The following SCLT1 variants were observed in gnomAD, a reference collection of about 807,000 sequenced individuals.
The protein encoded by SCLT1 is sodium channel and clathrin linker 1.
A neutral mutation model predicts 112.8 loss-of-function variants in SCLT1; 78 were observed. The ratio of observed to expected loss-of-function variants is 0.69; its 90% CI spans 0.58 to 0.83. The LOEUF (loss-of-function observed/expected upper bound fraction) is 0.83, where lower values mean the gene tolerates loss of function less well. Among genes scored for constraint, SCLT1 ranks in the 40% least tolerant of loss-of-function variants. The probability of loss-of-function intolerance (pLI) is 0.00; values close to 1 mark genes in which losing one functional copy is unlikely to be tolerated. For synonymous variants in SCLT1, 257 were observed against 254.7 expected, an observed-to-expected ratio of 1.01 and a Z score of -0.09; for missense variants, 747 against 770.4, an observed-to-expected ratio of 0.97 and a Z score of 0.36.
intron 15 of SCLT1, among the ~76,000 whole-genome samples, chr4:128,946,436 G>A (rs1252424216): frequency 3.3e-5 from 5 of 152,138 alleles, no homozygotes; most frequent in Admixed American, 2.0e-4. Context: ...GCTGGGCATG[G>A]TGGCTCACAC....
In SCLT1 at chr4:129,088,500, A is replaced by T. The variant is rs1363525545; in HGVS notation, c.34+4570T>A. The stretch of plus-strand genomic sequence containing the variant: ...TCCCACCACTTCTGTTCAATACTGT[A>T]CCAGAGATTCTAGCCACTGCAATAA... On this transcript the variant is annotated intron_variant, in intron 1 of 20. Coordinates refer to ENST00000281142, the MANE Select transcript of SCLT1 (RefSeq NM_144643.4). 2.0e-5 allele frequency among the ~76,000 whole-genome samples: 3 copies of T among 152,212 alleles called. No homozygotes were observed. In the East Asian group the frequency reaches 5.8e-4, roughly 29 times the overall value.
chr4:128,904,253 T>A (rs534930419), intron 18 of SCLT1, among the ~76,000 whole-genome samples: 1 of 152,308 alleles, frequency 6.6e-6, no homozygotes, highest in Admixed American at 6.5e-5. Context: ...TCCCTTATAG[T>A]ATCACTGGGA....
intron 1 of SCLT1, among the ~76,000 whole-genome samples, chr4:129,092,710 AG>A: frequency 6.6e-6 from 1 of 152,332 alleles, no homozygotes; most frequent in East Asian, 1.9e-4. Context: ...TAATAGAAAC[AG>A]GAGTTCAATA....
At chr4:128,999,579 T>C (rs1053767017) in intron 7 of SCLT1, 93 bp downstream of exon 7, 3 of 770,652 alleles carry the variant, frequency 3.9e-6, no homozygotes, top group Non-Finnish European at 6.3e-6. Flanking sequence ...CTAAATGCTA[T>C]AGGGTAGAGT....
downstream of SCLT1, among the ~76,000 whole-genome samples, chr4:128,879,620 G>A (rs1042372502): frequency 6.6e-6 from 1 of 152,068 alleles, no homozygotes; most frequent in African/African-American, 2.4e-5. Flanking sequence ...AAGGGCTGTC[G>A]AACTATATGA....
At chr4:129,035,233 G>C (rs1747078360) in intron 5 of SCLT1, among the ~76,000 whole-genome samples, 2 of 152,060 alleles carry the variant, frequency 1.3e-5, no homozygotes, top group Non-Finnish European at 2.9e-5. Context: ...TACAATCATA[G>C]TTTAAAAATG....
intron 2 of SCLT1, among the ~76,000 whole-genome samples, chr4:129,046,824 A>G (rs958987374): frequency 6.6e-6 from 1 of 152,042 alleles, no homozygotes; most frequent in Non-Finnish European, 1.5e-5. Flanking sequence ...CTTTGTCAAC[A>G]CTTGGAACTA....
intron 9 of SCLT1, among the ~76,000 whole-genome samples, chr4:128,982,019 GAA>G (rs70938447): frequency 0.088 from 13,372 of 152,238 alleles, 746 homozygotes; most frequent in South Asian, 0.15. Flanking sequence ...GCTCAGATGA[GAA>G]AGTGATGAAG....
chr4:129,010,173 G>A (rs1229436102), intron 5 of SCLT1, among the ~76,000 whole-genome samples: 2 of 152,118 alleles, frequency 1.3e-5, no homozygotes, highest in African/African-American at 2.4e-5. Flanking sequence ...TTATTGAATA[G>A]GAGTCCTTTC....
At chr4:129,036,790 T>C (rs932782033) in intron 5 of SCLT1, 6 of 151,784 alleles carry the variant, frequency 4.0e-5, no homozygotes, top group South Asian at 2.1e-4. Context: ...AATTTAAATA[T>C]AGCTACACTA....
At chr4:128,933,991 T>C (rs1736984279) in intron 18 of SCLT1, among the ~76,000 whole-genome samples, 1 of 152,066 alleles carries the variant, frequency 6.6e-6, no homozygotes, top group African/African-American at 2.4e-5. Context: ...AATTCATCTA[T>C]GTAGTTAAGC....
intron 17 of SCLT1, among the ~76,000 whole-genome samples, chr4:128,941,331 T>C (rs909306724): frequency 6.6e-6 from 1 of 152,116 alleles, no homozygotes; most frequent in Non-Finnish European, 1.5e-5. Context: ...ATATTTTTAG[T>C]CTTTTTAATT....
chr4:128,983,039 C>T (rs956360851), intron 9 of SCLT1, among the ~76,000 whole-genome samples: 1 of 152,024 alleles, frequency 6.6e-6, no homozygotes, highest in African/African-American at 2.4e-5. Context: ...TAGGCATATG[C>T]CACCACGTCC....
chr4:128,890,801 C>T (rs148025939), intron 19 of SCLT1, among the ~76,000 whole-genome samples: 217 of 152,214 alleles, frequency 1.4e-3, no homozygotes, highest in African/African-American at 4.9e-3. Flanking sequence ...GATCCTAATA[C>T]GTTCTCTGAA....
chr4:128,949,846 C>CT (rs71589013), intron 14 of SCLT1, among the ~76,000 whole-genome samples: 98,341 of 144,658 alleles, frequency 0.68, 34,038 homozygotes, highest in African/African-American at 0.84. Flanking sequence ...TTTTTTTCCT[C>CT]TTTTTTTTTT....
intron 13 of SCLT1, among the ~76,000 whole-genome samples, chr4:128,953,536 A>G (rs1196125887): frequency 1.3e-5 from 2 of 152,084 alleles, no homozygotes; most frequent in African/African-American, 4.8e-5. Context: ...AATTTAATTA[A>G]TAACTTCTAA....
At chr4:128,980,028 T>C (rs1489082785) in intron 9 of SCLT1, among the ~76,000 whole-genome samples, 4 of 152,160 alleles carry the variant, frequency 2.6e-5, no homozygotes, top group African/African-American at 9.7e-5. Context: ...TGTGAAGAAA[T>C]AGAAAACTGA....
intron 16 of SCLT1, among the ~76,000 whole-genome samples, chr4:128,943,905 T>G (rs907359412): frequency 6.6e-6 from 1 of 152,148 alleles, no homozygotes; most frequent in Non-Finnish European, 1.5e-5. Flanking sequence ...GAAATGCTAC[T>G]AATATTGTGA....
At chr4:129,064,040 T>C (rs910497785) in intron 2 of SCLT1, among the ~76,000 whole-genome samples, 4 of 152,214 alleles carry the variant, frequency 2.6e-5, no homozygotes, top group Non-Finnish European at 5.9e-5. Context: ...GGAACTTCTC[T>C]AGCCTTTAAA....
Sources: gnomAD v4.1 joint callset for allele counts (sites outside exome capture counted in the v4.1 genomes callset) on GRCh38, gnomAD v4.1.1 for gene constraint, MANE v1.5 for transcripts, NCBI Gene and HGNC (gene_info 2026-07-23, HGNC 2026-07-21) for gene names.